FASN: variants seen among roughly 807,000 people sequenced by gnomAD.
FASN encodes the protein fatty acid synthase.
FASN carries 50 observed loss-of-function variants against 250.0 expected under a neutral mutation model. That is an observed-to-expected ratio of 0.20 (90% CI 0.16 to 0.25). FASN has a LOEUF of 0.25. FASN is among the 10% of genes least tolerant of loss of function. The pLI is 1.00. For synonymous variants in FASN, 1,909 were observed against 1,584.0 expected (o/e 1.21, Z -4.87); for missense variants, 3,031 against 3,498.5 (o/e 0.87, Z 3.37).
intron 1 of FASN, among the ~76,000 whole-genome samples, chr17:82,097,821 C>T (rs1264962372): frequency 6.6e-6 from 1 of 152,068 alleles, no homozygotes; most frequent in Non-Finnish European, 1.5e-5. Flanking sequence ...GAGGCCGAGC[C>T]GGGGGCTCCT....
rs1280037963 is a variant in FASN, at chr17:82,080,430, G to T, written c.6987C>A (p.Pro2329=). 2 of 1,599,868 alleles carry T rather than the reference G, an allele frequency of 1.3e-6. No individual in the cohort carries two copies. Among genetic ancestry groups the T allele is most frequent in the Non-Finnish European group, 1.7e-6 (2 of 1,174,150 alleles). ...SQLQAQQSPA[P]THNSLFLFDG... is the part of the protein sequence containing the mutation. ...CGAACAGGAAGAGGCTGTTGTGGGT[G>T]GGGGCTGGGCTCTGCTGGGCCTGCA... is the stretch of plus-strand genomic sequence containing the variant. The change falls in exon 40 of 43, where the codon CCC becomes CCA. Residue 2329 remains proline (P), a synonymous_variant. Coordinates refer to ENST00000306749, the MANE Select transcript of FASN (RefSeq NM_004104.5).
In FASN at chr17:82,078,983, G is replaced by T; in HGVS notation, c.*160C>A. The T allele has an allele frequency of 1.2e-6, 1 of 863,532 alleles. No homozygotes were observed. The highest frequency in any genetic ancestry group is 1.8e-6 in the Non-Finnish European group (1 of 557,534). The allele number at this position is 863,532 out of a possible 1,614,324, so 53.5% of individuals were successfully genotyped here. On this transcript the variant is annotated 3_prime_UTR_variant, in exon 43 of 43. Transcript: ENST00000306749. This position sits in a 1 kb window ranked among gnomAD's most constrained non-coding sequence, Gnocchi z 5.4. ...GCCGTGGGAGGCGGCGGGTGGGTGG[G>T]ACATGCCTAACACCTACATCTAGCA... is the stretch of plus-strand genomic sequence containing the variant.
Position 82,093,423 on chromosome 17 carries a change from C to A in FASN, c.455-4G>T. ...GTGTCCAGTGCGATGCTGGGCCCTG[C>A]AAGGAAGGGTGCTGCGGCTCAGGTG... On this transcript the variant is annotated splice_region_variant and splice_polypyrimidine_tract_variant and intron_variant, in intron 4 of 42. Coordinates refer to ENST00000306749, the MANE Select transcript of FASN (RefSeq NM_004104.5). 2.5e-6 allele frequency: 4 copies of A among 1,598,494 alleles called. No homozygotes were observed. The highest frequency in any genetic ancestry group is 3.4e-6 in the Non-Finnish European group (4 of 1,175,156).
chr17:82,083,931 C>G, intron 29 of FASN, 40 bp from the exon 30 acceptor site: 1 of 1,549,598 alleles, frequency 6.5e-7, no homozygotes, highest in Non-Finnish European at 8.7e-7. Flanking sequence ...GCCAGGGCGG[C>G]GGGGCCAGGA....
At chr17:82,093,467 A>AC (rs2034249878) in intron 4 of FASN, 48 bp from the exon 5 acceptor site, 1 of 1,576,792 alleles carries the variant, frequency 6.3e-7, no homozygotes, top group African/African-American at 1.3e-5. Flanking sequence ...AGCACACGAG[A>AC]CCCCTGAGCA....
At chr17:82,089,501 G>T in intron 12 of FASN, 117 bp from the exon 13 acceptor site, 3 of 1,581,488 alleles carry the variant, frequency 1.9e-6, no homozygotes, top group Non-Finnish European at 2.6e-6. Context: ...CAAGGGACCT[G>T]AGGACAAACC....
At chr17:82,089,448 A>G (rs1308679800) in intron 12 of FASN, 64 bp from the exon 13 acceptor site, 28 of 1,610,746 alleles carry the variant, frequency 1.7e-5, no homozygotes, top group Middle Eastern at 3.3e-4. Context: ...TCGGAGAGGT[A>G]GGGCGCACCC....
intron 41 of FASN, 75 bp downstream of exon 41, chr17:82,080,065 C>A (rs2033959897): frequency 1.4e-6 from 2 of 1,473,386 alleles, no homozygotes; most frequent in East Asian, 4.5e-5. Flanking sequence ...CGCGTCCCAT[C>A]CCATCCTTCC....
rs749749910 is a variant in FASN, at chr17:82,087,711, T to C, written c.3017A>G (p.Gln1006Arg). The change falls in exon 19 of 43, where the codon CAG (glutamine) becomes CGG (arginine). Residue 1006 changes from glutamine to arginine, a missense_variant. Gln to Arg is a conservative substitution (Grantham distance 43, BLOSUM62 1). Transcript: ENST00000306749. ...LRGYDYGPHFQGILEASLEGD... is the reference protein window; with the variant it reads ...LRGYDYGPHFRGILEASLEGD... ...TTCCAGGCTGGCCTCCAGGATGCCC[T>C]GGAAATGAGGGCCGTAGTCGTAGCC... 1.2e-6 allele frequency: 2 copies of C among 1,612,002 alleles called. No individual in the cohort carries two copies. Among genetic ancestry groups the C allele is most frequent in the Non-Finnish European group, 1.7e-6 (2 of 1,179,960 alleles).
chr17:82,084,993 G>C (rs1379212762), intron 25 of FASN, 40 bp from the exon 26 acceptor site: 1 of 1,581,494 alleles, frequency 6.3e-7, no homozygotes. Context: ...GGGATGGGGA[G>C]GCTGGTGGGG....
chr17:82,080,963 G>C (rs1218385718), intron 38 of FASN, 41 bp from the exon 39 acceptor site: 1 of 1,537,552 alleles, frequency 6.5e-7, no homozygotes, highest in African/African-American at 1.4e-5. Context: ...TCTGGGTGCA[G>C]AGCCCTGGCA....
intron 35 of FASN, 31 bp downstream of exon 35, chr17:82,082,292 A>G: frequency 6.2e-7 from 1 of 1,610,298 alleles, no homozygotes; most frequent in Non-Finnish European, 8.5e-7. Flanking sequence ...AGAGCCCGGC[A>G]GAGGCGGGAG....
At position 82,087,101 on chromosome 17, in the gene FASN, C is replaced by T. The variant is rs761810974; in HGVS notation, c.3376G>A (p.Gly1126Arg). Residue 1126 changes from glycine (G) to arginine (R), a missense_variant, in exon 21 of 43, where the codon GGG becomes AGG. Transcript: ENST00000306749. Reference protein sequence around the residue: ...KFCFTPHTEEGCLSERAALQE... With the variant: ...KFCFTPHTEERCLSERAALQE... The stretch of plus-strand genomic sequence containing the variant: ...AGGGCAGCGCGCTCAGACAGGCACC[C>T]CTCCTCCGTGTGGGGAGTGAAGCAA... 3 of 1,611,962 alleles carry T rather than the reference C, an allele frequency of 1.9e-6. No individual in the cohort carries two copies. Among genetic ancestry groups the T allele is most frequent in the East Asian group, 2.2e-5 (1 of 44,878 alleles).
chr17:82,088,683 G>A, intron 15 of FASN, 78 bp downstream of exon 15: 17 of 1,517,472 alleles, frequency 1.1e-5, no homozygotes, highest in East Asian at 4.6e-5. Flanking sequence ...GGGTCAGTGA[G>A]GGGCCCGCAG....
At chr17:82,089,558 G>A in intron 12 of FASN, 74 bp downstream of exon 12, 1 of 1,542,538 alleles carries the variant, frequency 6.5e-7, no homozygotes, top group East Asian at 2.4e-5. Flanking sequence ...CGTAGACCGT[G>A]GCCGCGTGTC....
rs369059351 is a variant in FASN at position 82,082,682 on chromosome 17, C to A, written c.5768-4G>T. Reference sequence around the variant, plus strand: ...CGGACCTGCTTGGCCTGGTAGCCTGCGGGACACAGGACTGTGGGCTGGACT... The same window carrying A: ...CGGACCTGCTTGGCCTGGTAGCCTGAGGGACACAGGACTGTGGGCTGGACT... On this transcript the variant is annotated splice_polypyrimidine_tract_variant and splice_region_variant and intron_variant, in intron 33 of 42. Transcript: ENST00000306749. The A allele has an allele frequency of 1.2e-6, 2 of 1,607,614 alleles. No homozygotes were observed. Among genetic ancestry groups the A allele is most frequent in the Admixed American group, 1.7e-5 (1 of 59,962 alleles).
rs540671852 is a variant in FASN, at chr17:82,089,554, C to A, written c.1965+78G>T. 6.3e-5 allele frequency: 97 copies of A among 1,543,638 alleles called. No homozygotes were observed. The African/African-American group carries it at 1.1e-3, about 18-fold the overall frequency. On this transcript the variant is annotated intron_variant, in intron 12 of 42. Coordinates refer to ENST00000306749, the MANE Select transcript of FASN (RefSeq NM_004104.5). ...CCGTCAGAGCTTGGTGGGGCGTAGA[C>A]CGTGGCCGCGTGTCCCTGCCAGACT...
intron 16 of FASN, 28 bp downstream of exon 16, chr17:82,088,362 T>C (rs1401652176): frequency 6.2e-7 from 1 of 1,610,666 alleles, no homozygotes; most frequent in Non-Finnish European, 8.5e-7. Context: ...GAGGGAAGAG[T>C]CTGCCCACCC....
At position 82,095,455 on chromosome 17, in the gene FASN, G is replaced by A. The variant is rs774656123; in HGVS notation, c.145C>T (p.Arg49Trp). The A allele has an allele frequency of 2.4e-5, 39 of 1,612,400 alleles. No homozygotes were observed. The highest frequency in any genetic ancestry group is 2.3e-4 in the South Asian group (21 of 91,082). The change falls in exon 3 of 43, where the codon CGG becomes TGG. Residue 49 changes from arginine (R) to tryptophan (W), a missense_variant. By Grantham distance (101) the Arg-to-Trp change is moderately radical. Transcript: ENST00000306749. ...AGGTCCTTCAGCTTGCCGGACCGCC[G>A]GGGCAGGCCGTAGAGCCCTGTGGGA... is the stretch of plus-strand genomic sequence containing the variant. ...RWKAGLYGLPRRSGKLKDLSR... is the reference protein window; with the variant it reads ...RWKAGLYGLPWRSGKLKDLSR...
Sources: gnomAD v4.1 joint callset for allele counts (sites outside exome capture counted in the v4.1 genomes callset) on GRCh38, gnomAD v4.1.1 for gene constraint, Gnocchi (gnomAD v3.1) non-coding constraint, MANE v1.5 for transcripts, NCBI Gene and HGNC (gene_info 2026-07-23, HGNC 2026-07-21) for gene names.